Variants in PPP1R14C observed in about 807,000 individuals in gnomAD.
PPP1R14C encodes the protein protein phosphatase 1 regulatory inhibitor subunit 14C.
PPP1R14C carries 16 observed loss-of-function variants against 20.4 expected under a neutral mutation model. The ratio of observed to expected loss-of-function variants is 0.78; its 90% CI spans 0.53 to 1.19. The LOEUF is 1.19. Among genes scored for constraint, PPP1R14C ranks in the 50% most tolerant of loss-of-function variants. The pLI, the probability that PPP1R14C is intolerant of heterozygous loss-of-function variation, is 0.00. For synonymous variants in PPP1R14C, 91 were observed against 91.0 expected, an observed-to-expected ratio of 1.00 and a Z score of 0.00; for missense variants, 211 against 220.1, an observed-to-expected ratio of 0.96 and a Z score of 0.26.
At chr6:150,192,343 G>C (rs996518483) in intron 1 of PPP1R14C, among the ~76,000 whole-genome samples, 3 of 152,044 alleles carry the variant, frequency 2.0e-5, no homozygotes, top group African/African-American at 7.2e-5. Flanking sequence ...GATGGTTTCG[G>C]GATGAAACTG....
At position 150,143,261 on chromosome 6, in the gene PPP1R14C, C is replaced by G. The variant is rs1249352781; in HGVS notation, c.69C>G (p.Phe23Leu). ...GCGGCGGCGGCGCACGGGTTTTCTT[C>G]CAAAGCCCCCGGGGTGGCGCCGGTG... ...GASGGGARVFFQSPRGGAGGS... is the reference protein window; with the variant it reads ...GASGGGARVFLQSPRGGAGGS... Residue 23 changes from phenylalanine (F) to leucine (L), a missense_variant, in exon 1 of 4, where the codon TTC (phenylalanine) becomes TTG (leucine). By Grantham distance (22) the Phe-to-Leu change is conservative. Coordinates refer to ENST00000361131, the MANE Select transcript of PPP1R14C (RefSeq NM_030949.3). This position sits in a 1 kb window ranked among gnomAD's most constrained non-coding sequence, Gnocchi z 5.6. The G allele has an allele frequency of 1.4e-6, 2 of 1,464,356 alleles. No individual in the cohort carries two copies. Among genetic ancestry groups the G allele is most frequent in the Non-Finnish European group, 1.8e-6 (2 of 1,119,196 alleles). The allele number at this position is 1,464,356 out of a possible 1,614,324, so 90.7% of individuals were successfully genotyped here. A position where few individuals can be genotyped will look rare whatever the true frequency, so the allele number is the denominator to read the frequency against.
chr6:150,216,329 C>T (rs1222564301), intron 2 of PPP1R14C, among the ~76,000 whole-genome samples: 1 of 152,170 alleles, frequency 6.6e-6, no homozygotes, highest in Admixed American at 6.5e-5. Context: ...AAACCTGTCT[C>T]TACTAAAAAT....
chr6:150,161,719 A>G (rs1346491129), intron 1 of PPP1R14C, among the ~76,000 whole-genome samples: 2 of 152,192 alleles, frequency 1.3e-5, no homozygotes, highest in African/African-American at 2.4e-5. Context: ...CTCCTTTTAC[A>G]TTTGATTTTA....
At chr6:150,218,479 C>T (rs1029766483) in intron 3 of PPP1R14C, among the ~76,000 whole-genome samples, 1 of 114,976 alleles carries the variant, frequency 8.7e-6, no homozygotes, top group Admixed American at 8.4e-5. Flanking sequence ...TCTGAACCCC[C>T]CCCCCCAAAA....
chr6:150,242,150 A>C (rs1778439539), intron 3 of PPP1R14C, among the ~76,000 whole-genome samples: 2 of 151,988 alleles, frequency 1.3e-5, no homozygotes, highest in Admixed American at 1.3e-4. Flanking sequence ...ACAACAACAA[A>C]AACCCTCTAG....
intron 1 of PPP1R14C, among the ~76,000 whole-genome samples, chr6:150,176,918 G>A (rs1056288646): frequency 2.0e-5 from 3 of 152,198 alleles, no homozygotes; most frequent in African/African-American, 4.8e-5. Context: ...TCACGAGGAA[G>A]GGCTAGTTAT....
intron 1 of PPP1R14C, among the ~76,000 whole-genome samples, chr6:150,151,022 G>A (rs1416296998): frequency 6.6e-6 from 1 of 151,324 alleles, no homozygotes; most frequent in Non-Finnish European, 1.5e-5. Flanking sequence ...CTGGCTCTCT[G>A]TTTTTTTTGT....
chr6:150,161,980 A>G (rs1322120791), intron 1 of PPP1R14C, among the ~76,000 whole-genome samples: 3 of 152,196 alleles, frequency 2.0e-5, no homozygotes, highest in Non-Finnish European at 4.4e-5. Context: ...TTGCAGTATC[A>G]TACAGAACAG....
chr6:150,247,618 C>G (rs1554222038), intron 3 of PPP1R14C, among the ~76,000 whole-genome samples: 1 of 152,168 alleles, frequency 6.6e-6, no homozygotes, highest in Non-Finnish European at 1.5e-5. Flanking sequence ...GTTTTAATTT[C>G]AGATGTGTGT....
chr6:150,231,391 A>G (rs1171845008), intron 3 of PPP1R14C, among the ~76,000 whole-genome samples: 1 of 152,158 alleles, frequency 6.6e-6, no homozygotes, highest in Non-Finnish European at 1.5e-5. Context: ...GTCTTCCGTC[A>G]CACCCCAAGT....
rs759623434 is a variant in PPP1R14C at position 150,143,369 on chromosome 6, T to TCAGCTG, written c.181_182insTGCAGC (p.Gln60_Gln61insLeuGln). ...CCACGGCGGCCGCTGCAGGGCAGGT[T>TCAGCTG]CAGCAGCAACAGCAGCGGCGACACC... On this transcript the variant is annotated inframe_insertion, in exon 1 of 4. Transcript: ENST00000361131. This position sits in a 1 kb window ranked among gnomAD's most constrained non-coding sequence, Gnocchi z 5.6. 4 of 1,610,986 alleles carry TCAGCTG rather than the reference T, an allele frequency of 2.5e-6. No homozygotes were observed. The South Asian group carries it at 4.4e-5, about 18-fold the overall frequency.
chr6:150,166,576 G>T (rs148667932), intron 1 of PPP1R14C, among the ~76,000 whole-genome samples: 1,758 of 152,300 alleles, frequency 0.012, 22 homozygotes, highest in Middle Eastern at 0.034. Flanking sequence ...AGCTCCAGGC[G>T]GTAGCTGTTG....
chr6:150,186,705 C>T (rs1240084595), intron 1 of PPP1R14C, among the ~76,000 whole-genome samples: 7 of 152,118 alleles, frequency 4.6e-5, no homozygotes, highest in African/African-American at 1.7e-4. Flanking sequence ...GGGGGATGAC[C>T]TGAAGCTGGG....
intron 1 of PPP1R14C, among the ~76,000 whole-genome samples, chr6:150,197,591 A>G (rs962481993): frequency 3.9e-5 from 6 of 152,240 alleles, no homozygotes; most frequent in Admixed American, 2.6e-4. Context: ...GTGGGTATCC[A>G]GGTTGCTGTA....
intron 1 of PPP1R14C, among the ~76,000 whole-genome samples, chr6:150,198,523 A>T (rs1008057495): frequency 1.6e-4 from 24 of 152,234 alleles, no homozygotes; most frequent in Non-Finnish European, 2.9e-5. Context: ...CAGTCTTGCC[A>T]CATTCTATGG....
At chr6:150,206,214 G>A (rs1777947812) in intron 1 of PPP1R14C, among the ~76,000 whole-genome samples, 1 of 152,098 alleles carries the variant, frequency 6.6e-6, no homozygotes, top group Admixed American at 6.5e-5. Context: ...TAAAATTCCA[G>A]CCCCCATACT....
chr6:150,192,498 T>C (rs1777757027), intron 1 of PPP1R14C, among the ~76,000 whole-genome samples: 3 of 152,128 alleles, frequency 2.0e-5, no homozygotes, highest in Admixed American at 6.5e-5. Context: ...CAGGCGGTAA[T>C]GCTTTCTTGC....
intron 1 of PPP1R14C, chr6:150,195,257 T>TATAACATGG: frequency 1.4e-6 from 1 of 719,576 alleles, no homozygotes; most frequent in Non-Finnish European, 1.7e-6. Context: ...GGATACCATG[T>TATAACATGG]TATACATGGG....
chr6:150,148,984 A>G (rs1313970252), intron 1 of PPP1R14C, among the ~76,000 whole-genome samples: 1 of 152,080 alleles, frequency 6.6e-6, no homozygotes, highest in African/African-American at 2.4e-5. Flanking sequence ...GGATCACCTG[A>G]GCCCGGGGAG....
Sources: gnomAD v4.1 joint callset for allele counts (sites outside exome capture counted in the v4.1 genomes callset) on GRCh38, gnomAD v4.1.1 for gene constraint, Gnocchi (gnomAD v3.1) non-coding constraint, MANE v1.5 for transcripts, NCBI Gene and HGNC (gene_info 2026-07-23, HGNC 2026-07-21) for gene names.